KCNIP3: variants seen among roughly 807,000 people sequenced by gnomAD.
KCNIP3 encodes the protein potassium voltage-gated channel interacting protein 3, also known as calsenilin.
In KCNIP3, 28 loss-of-function variants were observed where a neutral mutation model predicts 35.0. The observed-to-expected ratio is 0.80, with a 90% CI of 0.59 to 1.10. KCNIP3 has a LOEUF of 1.10. KCNIP3 is among the 50% of genes least tolerant of loss of function. KCNIP3 has a pLI of 0.00. For missense variants in KCNIP3, 295 were observed against 338.4 expected (o/e 0.87, Z 1.01); for synonymous variants, 134 against 133.8 (o/e 1.00, Z -0.01).
At chr2:95,371,229 ATT>A (rs1195931780) in intron 2 of KCNIP3, among the ~76,000 whole-genome samples, 1 of 152,136 alleles carries the variant, frequency 6.6e-6, no homozygotes, top group Non-Finnish European at 1.5e-5. Flanking sequence ...AAAGCAATAA[ATT>A]TCCCTGTCAG....
In KCNIP3 at chr2:95,339,690, C is replaced by G. The variant is rs567001546; in HGVS notation, c.181+29170C>G. Among the ~76,000 whole-genome samples the G allele has an allele frequency of 5.9e-5, 9 of 152,310 alleles. No individual in the cohort carries two copies. The South Asian group carries it at 1.5e-3, about 25-fold the overall frequency. On this transcript the variant is annotated intron_variant, in intron 2 of 8. Transcript: ENST00000295225. ...ATCAGTCTTATCTCTTCTGTTTGGT[C>G]CAAAAGCAATTGGCTTTTCCAACAC...
At chr2:95,320,014 T>C (rs936629078) in intron 2 of KCNIP3, among the ~76,000 whole-genome samples, 2 of 152,198 alleles carry the variant, frequency 1.3e-5, no homozygotes, top group Admixed American at 6.5e-5. Context: ...TGGGGCTTGC[T>C]GGTCCACCTC....
intron 3 of KCNIP3, 64 bp downstream of exon 3, chr2:95,374,484 T>C: frequency 6.3e-7 from 1 of 1,576,562 alleles, no homozygotes; most frequent in Non-Finnish European, 8.6e-7. Flanking sequence ...ACCTGGAAAC[T>C]TCTCCATGCC....
intron 2 of KCNIP3, among the ~76,000 whole-genome samples, chr2:95,350,509 G>T (rs1255072084): frequency 6.6e-6 from 1 of 152,172 alleles, no homozygotes; most frequent in Admixed American, 6.5e-5. Flanking sequence ...GCCTTCTCCT[G>T]TCCCCTCTGC....
intron 2 of KCNIP3, among the ~76,000 whole-genome samples, chr2:95,328,974 G>A (rs1330393718): frequency 1.3e-5 from 2 of 152,200 alleles, no homozygotes; most frequent in Non-Finnish European, 2.9e-5. Flanking sequence ...AGGAGGGGAG[G>A]GCAGAGAATG....
intron 2 of KCNIP3, among the ~76,000 whole-genome samples, chr2:95,342,402 T>C (rs1312387111): frequency 1.3e-5 from 2 of 152,206 alleles, no homozygotes; most frequent in African/African-American, 4.8e-5. Flanking sequence ...GTAAGTGCTT[T>C]AGCTGCTTGG....
chr2:95,359,003 C>G (rs1679725915), intron 2 of KCNIP3, among the ~76,000 whole-genome samples: 1 of 152,056 alleles, frequency 6.6e-6, no homozygotes, highest in Non-Finnish European at 1.5e-5. Flanking sequence ...AAAAAAAGGT[C>G]CCATCTCTTA....
intron 2 of KCNIP3, among the ~76,000 whole-genome samples, chr2:95,354,147 A>G (rs1248124669): frequency 1.3e-5 from 2 of 151,920 alleles, no homozygotes; most frequent in African/African-American, 4.8e-5. Flanking sequence ...TCCCCTGGGA[A>G]CTCTCCCGGA....
At chr2:95,323,427 G>A (rs542099471) in intron 2 of KCNIP3, among the ~76,000 whole-genome samples, 2 of 152,304 alleles carry the variant, frequency 1.3e-5, no homozygotes, top group South Asian at 4.1e-4. Flanking sequence ...GGCAGAGAGG[G>A]CAGTCAGTGC....
At chr2:95,341,117 C>T (rs1323897125) in intron 2 of KCNIP3, among the ~76,000 whole-genome samples, 1 of 152,086 alleles carries the variant, frequency 6.6e-6, no homozygotes. Context: ...GAGGTGGGGT[C>T]CCGTGAGAGG....
intron 1 of KCNIP3, among the ~76,000 whole-genome samples, chr2:95,299,801 G>A (rs901801779): frequency 6.6e-6 from 1 of 152,262 alleles, no homozygotes; most frequent in Non-Finnish European, 1.5e-5. Context: ...GGCTGCACTG[G>A]GAAGAAAGGG....
chr2:95,309,734 C>T (rs1678265055), intron 1 of KCNIP3, among the ~76,000 whole-genome samples: 2 of 152,170 alleles, frequency 1.3e-5, no homozygotes, highest in Non-Finnish European at 2.9e-5. Context: ...GATCCACTGC[C>T]TCTTAATGAC....
intron 1 of KCNIP3, among the ~76,000 whole-genome samples, chr2:95,305,604 T>G (rs1678146204): frequency 6.6e-6 from 1 of 152,130 alleles, no homozygotes; most frequent in Non-Finnish European, 1.5e-5. Context: ...CTCTGTCCCC[T>G]CAAGGCCCCT....
At chr2:95,327,215 T>A (rs1198586986) in intron 2 of KCNIP3, among the ~76,000 whole-genome samples, 1 of 152,166 alleles carries the variant, frequency 6.6e-6, no homozygotes, top group Non-Finnish European at 1.5e-5. Context: ...GATGGTGCCT[T>A]ACACTAACCA....
chr2:95,319,063 G>A (rs1463815138), intron 2 of KCNIP3, among the ~76,000 whole-genome samples: 1 of 152,236 alleles, frequency 6.6e-6, no homozygotes, highest in African/African-American at 2.4e-5. Flanking sequence ...CTTGCACAGA[G>A]CCTGGCACAT....
At chr2:95,324,380 G>A (rs1315627178) in intron 2 of KCNIP3, among the ~76,000 whole-genome samples, 2 of 151,852 alleles carry the variant, frequency 1.3e-5, no homozygotes, top group Non-Finnish European at 2.9e-5. Context: ...TGGGCGTGGT[G>A]GCGGGCGCCT....
chr2:95,342,098 C>T (rs1239329664), intron 2 of KCNIP3, among the ~76,000 whole-genome samples: 2 of 151,992 alleles, frequency 1.3e-5, no homozygotes, highest in Non-Finnish European at 2.9e-5. Flanking sequence ...AGAGCATGTG[C>T]GAAGACCCTG....
At chr2:95,319,291 G>T (rs1474438512) in intron 2 of KCNIP3, among the ~76,000 whole-genome samples, 1 of 152,208 alleles carries the variant, frequency 6.6e-6, no homozygotes, top group African/African-American at 2.4e-5. Context: ...GCTCTGAGTG[G>T]GGACTCGGAG....
At position 95,382,588 on chromosome 2, in the gene KCNIP3, T is replaced by A; in HGVS notation, c.660+107T>A. On this transcript the variant is annotated intron_variant, in intron 7 of 8. Transcript: ENST00000295225. This position sits in a 1 kb window ranked among gnomAD's most constrained non-coding sequence, Gnocchi z 4.5. ...GGCTTGCCCCTCTGAGCCTCCCTAC[T>A]CCCCATGAGGAGGTTAAACTTGCCC... 1.4e-6 allele frequency: 1 copy of A among 704,242 alleles called. No homozygotes were observed. The highest frequency in any genetic ancestry group is 2.3e-6 in the Non-Finnish European group (1 of 431,890). 43.6% of individuals were successfully genotyped at this position (704,242 alleles called of 1,614,324 possible). A position where few individuals can be genotyped will look rare whatever the true frequency, so the allele number is the denominator to read the frequency against.
Sources: gnomAD v4.1 joint callset for allele counts (sites outside exome capture counted in the v4.1 genomes callset) on GRCh38, gnomAD v4.1.1 for gene constraint, Gnocchi (gnomAD v3.1) non-coding constraint, MANE v1.5 for transcripts, NCBI Gene and HGNC (gene_info 2026-07-23, HGNC 2026-07-21) for gene names.